The following PREX2 variants were observed in gnomAD, a reference collection of about 807,000 sequenced individuals.
The protein encoded by PREX2 is phosphatidylinositol 3,4,5-trisphosphate-dependent Rac exchanger 2 protein.
In PREX2, 107 loss-of-function variants were observed where a neutral mutation model predicts 203.2. That is an observed-to-expected ratio of 0.53 (90% CI 0.45 to 0.62). PREX2 has a LOEUF of 0.62. PREX2 is among the 20% of genes least tolerant of loss of function. PREX2 has a pLI of 0.00. For missense variants in PREX2, 1,777 were observed against 1,955.9 expected (o/e 0.91, Z 1.72); for synonymous variants, 672 against 663.6 (o/e 1.01, Z -0.19).
intron 1 of PREX2, among the ~76,000 whole-genome samples, chr8:68,009,228 C>T (rs1021999314): frequency 5.3e-5 from 8 of 152,126 alleles, no homozygotes; most frequent in South Asian, 2.1e-4. Context: ...TCTTGAATAA[C>T]GACTAAAACA....
intron 24 of PREX2, 46 bp downstream of exon 24, chr8:68,108,377 G>T: frequency 7.1e-7 from 1 of 1,409,694 alleles, no homozygotes; most frequent in South Asian, 1.2e-5. Context: ...AAGCAATTTA[G>T]GCAATCATAG....
rs577534317 is a variant in PREX2 at position 68,059,317 on chromosome 8, C to T, written c.1239-1362C>T. 2.9e-4 allele frequency among the ~76,000 whole-genome samples: 44 copies of T among 151,686 alleles called. 1 individual carries two copies. Among genetic ancestry groups the T allele is most frequent in the Non-Finnish European group, 4.3e-4 (29 of 67,988 alleles). ...CCTTTTTTTTTAAATCGCTACATAG[C>T]TGAGGCTCTCCTAAGTGATACAAAA... is the stretch of plus-strand genomic sequence containing the variant. On this transcript the variant is annotated intron_variant, in intron 10 of 39. Transcript: ENST00000288368.
At chr8:68,179,250 A>G (rs890848048) in intron 35 of PREX2, among the ~76,000 whole-genome samples, 3 of 152,180 alleles carry the variant, frequency 2.0e-5, no homozygotes, top group Admixed American at 6.6e-5. Flanking sequence ...TTAGAAATCT[A>G]ATTTCTAAAT....
chr8:67,973,417 T>C (rs998992246), intron 1 of PREX2, among the ~76,000 whole-genome samples: 1 of 152,170 alleles, frequency 6.6e-6, no homozygotes, highest in African/African-American at 2.4e-5. Context: ...TCTCAAGTGA[T>C]CCATCAAACA....
chr8:67,987,934 T>C (rs531931273), intron 1 of PREX2, among the ~76,000 whole-genome samples: 2 of 151,712 alleles, frequency 1.3e-5, no homozygotes, highest in Non-Finnish European at 2.9e-5. Flanking sequence ...TGTGTGTGTG[T>C]GTGAACACAC....
At chr8:68,187,333 A>G (rs907197907) in intron 35 of PREX2, among the ~76,000 whole-genome samples, 2 of 152,150 alleles carry the variant, frequency 1.3e-5, no homozygotes, top group African/African-American at 2.4e-5. Context: ...ATTTCTTAAC[A>G]TGTGTCATAA....
At position 68,192,466 on chromosome 8, in the gene PREX2, G is replaced by C. The variant is rs116570374; in HGVS notation, c.4545G>C (p.Ser1515=). 1.2e-6 allele frequency: 2 copies of C among 1,613,668 alleles called. No homozygotes were observed. Among genetic ancestry groups the C allele is most frequent in the Non-Finnish European group, 1.7e-6 (2 of 1,179,948 alleles). Residue 1515 remains serine (S), a synonymous_variant, in exon 37 of 40, where the codon TCG becomes TCC. Transcript: ENST00000288368. ...ASGVGLLSVS[S]ELCNRLGACH... Reference sequence around the variant, plus strand: ...GGGTTGGACTGCTGTCAGTTTCCTCGGAGCTGTGCAACAGGCTGGGCGCCT... The same window carrying C: ...GGGTTGGACTGCTGTCAGTTTCCTCCGAGCTGTGCAACAGGCTGGGCGCCT...
At chr8:67,965,366 T>A (rs1331730900) in intron 1 of PREX2, among the ~76,000 whole-genome samples, 2 of 152,184 alleles carry the variant, frequency 1.3e-5, no homozygotes, top group African/African-American at 4.8e-5. Flanking sequence ...TCCTAACAGG[T>A]TTGAACCCTT....
rs556223172 is a variant in PREX2, at chr8:68,219,037, G to A, written c.4707+1319G>A. ...CCATATCAGAGTTGAGATTTAGGTT[G>A]CTAAGAAATACAGAAAGAAATTAAT... On this transcript the variant is annotated intron_variant, in intron 38 of 39. Transcript: ENST00000288368. 1.2e-4 allele frequency among the ~76,000 whole-genome samples: 18 copies of A among 152,282 alleles called. No individual in the cohort carries two copies. In the South Asian group the frequency reaches 3.5e-3, roughly 30 times the overall value.
chr8:68,062,852 C>G (rs1023078788), intron 11 of PREX2, among the ~76,000 whole-genome samples: 2 of 152,020 alleles, frequency 1.3e-5, no homozygotes, highest in African/African-American at 4.8e-5. Flanking sequence ...CTATCCCTTC[C>G]CTGGCCTCCA....
At position 68,151,350 on chromosome 8, in the gene PREX2, G is replaced by A. The variant is rs143554107; in HGVS notation, c.4231+4998G>A. 1.2e-4 allele frequency among the ~76,000 whole-genome samples: 19 copies of A among 152,142 alleles called. 1 individual carries two copies. In the South Asian group the frequency reaches 3.1e-3, roughly 25 times the overall value. ...AAGGATCACTTGAGTCTAAGAGGCC[G>A]AGGCTGTAGTGAATTATGATAGCAC... On this transcript the variant is annotated intron_variant, in intron 34 of 39. Transcript: ENST00000288368.
intron 11 of PREX2, among the ~76,000 whole-genome samples, chr8:68,061,606 T>C (rs1013078188): frequency 6.6e-6 from 1 of 152,068 alleles, no homozygotes; most frequent in Non-Finnish European, 1.5e-5. Context: ...ACTCTCTGGA[T>C]GTGGGTGATG....
chr8:68,171,536 C>A (rs1273607273), intron 35 of PREX2, among the ~76,000 whole-genome samples: 1 of 151,956 alleles, frequency 6.6e-6, no homozygotes, highest in Non-Finnish European at 1.5e-5. Context: ...TGAAGAATGC[C>A]ATGGACTTAC....
At chr8:68,065,305 T>C (rs1808983189) in intron 11 of PREX2, among the ~76,000 whole-genome samples, 1 of 152,202 alleles carries the variant, frequency 6.6e-6, no homozygotes, top group South Asian at 2.1e-4. Flanking sequence ...TATTAAGGTA[T>C]AAAAATGGGA....
chr8:67,978,110 G>A (rs928974965), intron 1 of PREX2, among the ~76,000 whole-genome samples: 1 of 152,080 alleles, frequency 6.6e-6, no homozygotes, highest in African/African-American at 2.4e-5. Flanking sequence ...GTGGGACCGA[G>A]CCCTCAACCT....
At chr8:68,171,696 TC>T (rs1388937318) in intron 35 of PREX2, among the ~76,000 whole-genome samples, 1 of 152,114 alleles carries the variant, frequency 6.6e-6, no homozygotes, top group Non-Finnish European at 1.5e-5. Flanking sequence ...GTGTGTCACA[TC>T]CCTTGTCTGA....
chr8:68,126,951 G>T (rs1371966865), intron 30 of PREX2, among the ~76,000 whole-genome samples: 4 of 151,742 alleles, frequency 2.6e-5, no homozygotes, highest in African/African-American at 7.3e-5. Flanking sequence ...AACTTTGAAA[G>T]TTTAAATAAC....
rs77254470 is a variant in PREX2, at chr8:67,987,309, C to T, written c.142-30537C>T. ...AGCTAGCAAGGTATTTGGCTATCAACGCTAAATAAATCAATTCAGAACCAC... is the reference window on the plus strand; with the variant it reads ...AGCTAGCAAGGTATTTGGCTATCAATGCTAAATAAATCAATTCAGAACCAC... On this transcript the variant is annotated intron_variant, in intron 1 of 39. Transcript: ENST00000288368. Among the ~76,000 whole-genome samples the T allele has an allele frequency of 4.1e-3, 630 of 152,146 alleles. 4 individuals are homozygous for T. The highest frequency in any genetic ancestry group is 0.014 in the African/African-American group (591 of 41,514).
At chr8:67,985,130 G>T (rs2129609310) in intron 1 of PREX2, among the ~76,000 whole-genome samples, 1 of 152,232 alleles carries the variant, frequency 6.6e-6, no homozygotes, top group South Asian at 2.1e-4. Context: ...GCTTTTGGAT[G>T]TTTGAAGTAT....
Sources: gnomAD v4.1 joint callset for allele counts (sites outside exome capture counted in the v4.1 genomes callset) on GRCh38, gnomAD v4.1.1 for gene constraint, MANE v1.5 for transcripts, NCBI Gene and HGNC (gene_info 2026-07-23, HGNC 2026-07-21) for gene names.